Variants in HYCC1 observed in about 807,000 individuals in gnomAD.
HYCC1 encodes hyccin.
chr7:23,007,868 G>T, the HYCC1 span, among the ~76,000 whole-genome samples: 1 of 151,900 alleles, frequency 6.6e-6, no homozygotes, highest in Non-Finnish European at 1.5e-5. Context: ...ACATTAAGAG[G>T]GCATGTGATC....
chr7:22,929,648 A>T, the HYCC1 span, among the ~76,000 whole-genome samples: 4 of 152,246 alleles, frequency 2.6e-5, no homozygotes, highest in Admixed American at 2.6e-4. Flanking sequence ...ATGAGATACC[A>T]TCTCACACCA....
chr7:22,922,129 T>C, the HYCC1 span, among the ~76,000 whole-genome samples: 1 of 83,506 alleles, frequency 1.2e-5, no homozygotes, highest in African/African-American at 4.2e-5. Context: ...TCTAACTTTA[T>C]GAATAATAAA....
chr7:22,978,014 T>C, the HYCC1 span: 1 of 578,194 alleles, frequency 1.7e-6, no homozygotes, highest in Non-Finnish European at 3.1e-6. Context: ...AACACTGATA[T>C]TTTCAGATAT....
At chr7:22,995,982 A>G in the HYCC1 span, among the ~76,000 whole-genome samples, 1 of 152,110 alleles carries the variant, frequency 6.6e-6, no homozygotes, top group African/African-American at 2.4e-5. Context: ...TTTAACTATA[A>G]AAGTAAGAAT....
chr7:22,980,373 G>T, the HYCC1 span, among the ~76,000 whole-genome samples: 3 of 151,562 alleles, frequency 2.0e-5, no homozygotes, highest in African/African-American at 7.3e-5. Context: ...TGTGTTAAAT[G>T]GGCTTTTATG....
the HYCC1 span, among the ~76,000 whole-genome samples, chr7:22,950,719 A>G: frequency 6.6e-6 from 1 of 151,938 alleles, no homozygotes; most frequent in East Asian, 1.9e-4. Flanking sequence ...CTATTTTTTT[A>G]TTATGTTATC....
the HYCC1 span, among the ~76,000 whole-genome samples, chr7:22,996,578 C>T: frequency 1.6e-5 from 2 of 127,652 alleles, no homozygotes; most frequent in Non-Finnish European, 3.1e-5. Context: ...TTTGTCCTTA[C>T]CACGTACAGT....
the HYCC1 span, among the ~76,000 whole-genome samples, chr7:22,917,647 G>GGGTTT: frequency 6.6e-6 from 1 of 152,142 alleles, no homozygotes; most frequent in African/African-American, 2.4e-5. Flanking sequence ...CATAATTCCT[G>GGGTTT]GGTTTGGCCT....
chr7:22,945,350 A>G, the HYCC1 span: 2 of 559,870 alleles, frequency 3.6e-6, no homozygotes, highest in Non-Finnish European at 6.4e-6. Context: ...AACAAATAAG[A>G]GGAGGGAAAA....
the HYCC1 span, among the ~76,000 whole-genome samples, chr7:22,930,609 A>G: frequency 2.6e-5 from 4 of 152,034 alleles, no homozygotes; most frequent in Non-Finnish European, 5.9e-5. Flanking sequence ...GGGGGAACTC[A>G]TTATTTGAAG....
At chr7:22,902,475 G>C in the HYCC1 span, among the ~76,000 whole-genome samples, 3 of 151,912 alleles carry the variant, frequency 2.0e-5, no homozygotes, top group Non-Finnish European at 4.4e-5. Context: ...CTAGTTCTTT[G>C]AAAATATTAC....
At chr7:22,985,866 T>C in the HYCC1 span, 3 of 149,264 alleles carry the variant, frequency 2.0e-5, no homozygotes, top group African/African-American at 7.3e-5. Context: ...TTAAAACACA[T>C]TGATGTCTAA....
At chr7:22,974,107 GTTAC>G in the HYCC1 span, among the ~76,000 whole-genome samples, 6 of 152,222 alleles carry the variant, frequency 3.9e-5, no homozygotes, top group East Asian at 1.2e-3. Context: ...TTGCTGCATT[GTTAC>G]TCCTTAAACC....
chr7:22,969,615 C>A, the HYCC1 span, among the ~76,000 whole-genome samples: 13 of 151,864 alleles, frequency 8.6e-5, no homozygotes, highest in Non-Finnish European at 1.9e-4. Context: ...CCTCCACATC[C>A]CGGGTTCAAG....
chr7:22,989,285 A>AACACAC, the HYCC1 span, among the ~76,000 whole-genome samples: 584 of 148,662 alleles, frequency 3.9e-3, 9 homozygotes, highest in East Asian at 0.024. Context: ...ACAAGCAGGA[A>AACACAC]ACACACACAC....
chr7:22,981,682 A>G, the HYCC1 span, among the ~76,000 whole-genome samples: 2 of 152,242 alleles, frequency 1.3e-5, no homozygotes, highest in Non-Finnish European at 2.9e-5. Flanking sequence ...ATATAAATAT[A>G]GAAATTGAGA....
the HYCC1 span, among the ~76,000 whole-genome samples, chr7:22,923,450 A>G: frequency 6.6e-6 from 1 of 152,204 alleles, no homozygotes; most frequent in African/African-American, 2.4e-5. Context: ...ATATTAAAAA[A>G]GAAGAAATAT....
chr7:22,955,171 T>C, the HYCC1 span, among the ~76,000 whole-genome samples: 1 of 151,570 alleles, frequency 6.6e-6, no homozygotes, highest in African/African-American at 2.4e-5. Flanking sequence ...ATACTCAAAC[T>C]AAACAAGTTT....
At chr7:23,012,531 C>A in the HYCC1 span, among the ~76,000 whole-genome samples, 1 of 152,120 alleles carries the variant, frequency 6.6e-6, no homozygotes, top group Non-Finnish European at 1.5e-5. Flanking sequence ...TTCCCCCTTG[C>A]CACTTGGTTT....
Sources: allele counts gnomAD v4.1 joint callset (sites outside exome capture counted in the v4.1 genomes callset), GRCh38; gene constraint gnomAD v4.1.1; transcripts MANE v1.5; gene names NCBI Gene and HGNC (gene_info 2026-07-23, HGNC 2026-07-21).